The following DENND4B variants were observed in gnomAD, a reference collection of about 807,000 sequenced individuals.
DENND4B encodes DENN domain-containing protein 4B.
DENND4B carries 67 observed loss-of-function variants against 161.0 expected under a neutral mutation model. The ratio of observed to expected loss-of-function variants is 0.42; its 90% CI spans 0.34 to 0.51. The LOEUF (loss-of-function observed/expected upper bound fraction) is 0.51. DENND4B is among the 20% of genes least tolerant of loss of function. The probability of loss-of-function intolerance (pLI) is 0.08; values close to 1 mark genes in which losing one functional copy is unlikely to be tolerated. For synonymous variants in DENND4B, 753 were observed against 813.8 expected, an observed-to-expected ratio of 0.93 and a Z score of 1.27; for missense variants, 1,481 against 1,968.0, an observed-to-expected ratio of 0.75 and a Z score of 4.68.
rs1430881375 is a variant in DENND4B at position 153,930,581 on chromosome 1, A to G, written c.4303T>C (p.Phe1435Leu). Residue 1435 changes from phenylalanine to leucine, a missense_variant, in exon 27 of 28, where the codon TTC becomes CTC. Around this residue, in one of 3 missense-constraint regions of DENND4B, gnomAD observed 336 missense variants for 503.3 expected, o/e 0.67. Coordinates refer to ENST00000361217, the MANE Select transcript of DENND4B (RefSeq NM_014856.3). This position sits in a 1 kb window ranked among gnomAD's most constrained non-coding sequence, Gnocchi z 4.7. ...LQRGIYREIL[F>L]LTMAALGKDH... ...TTGCCCAGAGCAGCCATTGTCAGGA[A>G]TAATATCTCACGGTAGATTCCCCTT... 1 of 1,614,054 alleles carries G rather than the reference A, an allele frequency of 6.2e-7. No homozygotes were observed. Among genetic ancestry groups the G allele is most frequent in the South Asian group, 1.1e-5 (1 of 91,088 alleles).
rs1679085020 is a variant in DENND4B at position 153,933,332 on chromosome 1, G to A, written c.3331-13C>T. On this transcript the variant is annotated splice_polypyrimidine_tract_variant and intron_variant, in intron 20 of 27. Coordinates refer to ENST00000361217, the MANE Select transcript of DENND4B (RefSeq NM_014856.3). The surrounding 1 kb of genome is among the most constrained non-coding windows in gnomAD (Gnocchi z 5.7). Reference sequence around the variant, plus strand: ...GAGAGGCTGAGCTCTACCATGACATGAGAAACCATGGTCAGCCAACCCCAT... The same window carrying A: ...GAGAGGCTGAGCTCTACCATGACATAAGAAACCATGGTCAGCCAACCCCAT... 6.2e-7 allele frequency: 1 copy of A among 1,613,348 alleles called. No individual in the cohort carries two copies. The highest frequency in any genetic ancestry group is 8.5e-7 in the Non-Finnish European group (1 of 1,179,650).
chr1:153,935,984 C>T (rs544365967), intron 17 of DENND4B, 76 bp downstream of exon 17: 49 of 1,547,752 alleles, frequency 3.2e-5, no homozygotes, highest in South Asian at 7.2e-5. Context: ...CTCCAAGGAG[C>T]GAGGGGAGCA....
Position 153,930,819 on chromosome 1 carries a change from G to A in DENND4B, c.4153C>T (p.Pro1385Ser). 1 of 1,604,184 alleles carries A rather than the reference G, an allele frequency of 6.2e-7. No homozygotes were observed. The highest frequency in any genetic ancestry group is 8.5e-7 in the Non-Finnish European group (1 of 1,175,404). ...AACAGTGCCAAACTAAGGGATGCAG[G>A]TACAGGGCCTGGCCATACCACCCGC... ...PQRVVWPGPV[P>S]ASLSLALLES... Residue 1385 changes from proline (P) to serine (S), a missense_variant, in exon 26 of 28, where the codon CCT becomes TCT. Pro to Ser is a moderately conservative substitution (Grantham distance 74). Around this residue, in one of 3 missense-constraint regions of DENND4B, gnomAD observed 336 missense variants for 503.3 expected, o/e 0.67. Transcript: ENST00000361217. The surrounding 1 kb of genome is among the most constrained non-coding windows in gnomAD (Gnocchi z 4.7).
intron 6 of DENND4B, 92 bp downstream of exon 6, chr1:153,941,775 GCC>G: frequency 7.5e-7 from 1 of 1,338,172 alleles, no homozygotes; most frequent in Non-Finnish European, 1.0e-6. Context: ...CCTGTGCCCA[GCC>G]CTCCCCCCAC....
At position 153,942,325 on chromosome 1, in the gene DENND4B, A is replaced by G. The variant is rs774187716; in HGVS notation, c.672T>C (p.Asn224=). ...ELLGRYPEED[N]EAFPLPESVP... ...CTGACTCGGGCAGCGGGAACGCCTC[A>G]TTGTCCTCCTCCGGGTAGCGGCCCA... Residue 224 remains asparagine, a synonymous_variant, in exon 5 of 28, where the codon AAT becomes AAC. Coordinates refer to ENST00000361217, the MANE Select transcript of DENND4B (RefSeq NM_014856.3). The surrounding 1 kb of genome is among the most constrained non-coding windows in gnomAD (Gnocchi z 6.9). The G allele has an allele frequency of 1.2e-6, 2 of 1,613,398 alleles. No homozygotes were observed. Among genetic ancestry groups the G allele is most frequent in the South Asian group, 2.2e-5 (2 of 91,046 alleles).
Position 153,940,200 on chromosome 1 carries a change from A to G in DENND4B, c.1559T>C (p.Val520Ala). The change falls in exon 11 of 28, where the codon GTT becomes GCT. Residue 520 changes from valine (V) to alanine (A), a missense_variant. Around this residue, in one of 3 missense-constraint regions of DENND4B, gnomAD observed 806 missense variants for 1,134.4 expected, o/e 0.71. Coordinates refer to ENST00000361217, the MANE Select transcript of DENND4B (RefSeq NM_014856.3). The surrounding 1 kb of genome is among the most constrained non-coding windows in gnomAD (Gnocchi z 5.6). ...PRTLPRRPYK[V>A]LLATLTNLYQ... ...CAGGTTTGTCAGTGTGGCCAGCAGA[A>G]CCTTGTAGGGTCTGCGGGGCAGGGT... The G allele has an allele frequency of 6.3e-7, 1 of 1,599,682 alleles. No individual in the cohort carries two copies. Among genetic ancestry groups the G allele is most frequent in the Non-Finnish European group, 8.5e-7 (1 of 1,174,112 alleles).
Position 153,937,819 on chromosome 1 carries a change from C to G in DENND4B, c.2010G>C (p.Glu670Asp), listed in dbSNP as rs761662922. 4 of 1,613,972 alleles carry G rather than the reference C, an allele frequency of 2.5e-6. No individual in the cohort carries two copies. The highest frequency in any genetic ancestry group is 3.4e-6 in the Non-Finnish European group (4 of 1,179,856). ...GCTCACTTCCTGACAGCTCCTCTAG[C>G]TCCACTAAGGGTGTCGGCTCAGGCT... Reference protein sequence around the residue: ...QEKPEPTPLVELEELSGSELT... With the variant: ...QEKPEPTPLVDLEELSGSELT... The change falls in exon 14 of 28, where the codon GAG becomes GAC. Residue 670 changes from glutamate to aspartate, a missense_variant. Coordinates refer to ENST00000361217, the MANE Select transcript of DENND4B (RefSeq NM_014856.3). The surrounding 1 kb of genome is among the most constrained non-coding windows in gnomAD (Gnocchi z 4.7).
rs999943889 is a variant in DENND4B at position 153,935,997 on chromosome 1, A to T, written c.2568+63T>A. The T allele has an allele frequency of 1.3e-5, 20 of 1,589,290 alleles. No homozygotes were observed. In the African/African-American group the frequency reaches 2.6e-4, roughly 20 times the overall value. ...ATCTCCAAGGAGCGAGGGGAGCAGCAGCAGCCTCCCCTCACACACCCTGGC... is the reference window on the plus strand; with the variant it reads ...ATCTCCAAGGAGCGAGGGGAGCAGCTGCAGCCTCCCCTCACACACCCTGGC... On this transcript the variant is annotated intron_variant, in intron 17 of 27. Coordinates refer to ENST00000361217, the MANE Select transcript of DENND4B (RefSeq NM_014856.3).
Position 153,932,754 on chromosome 1 carries a change from C to G in DENND4B, c.3647G>C (p.Gly1216Ala). The stretch of plus-strand genomic sequence containing the variant: ...AGGAGCATCTTTGCTGCCACTGGCA[C>G]CAGCAGATTTGGGGCTGGGGACACT... ...RPSVPSPKSA[G>A]ASGSKDAPVP... Residue 1216 changes from glycine to alanine, a missense_variant, in exon 23 of 28, where the codon GGT becomes GCT. Physicochemically the swap from Gly to Ala is moderately conservative, Grantham distance 60. Transcript: ENST00000361217. The surrounding 1 kb of genome is among the most constrained non-coding windows in gnomAD (Gnocchi z 5.8). 1 of 1,614,062 alleles carries G rather than the reference C, an allele frequency of 6.2e-7. No homozygotes were observed. Among genetic ancestry groups the G allele is most frequent in the African/African-American group, 1.3e-5 (1 of 75,072 alleles).
chr1:153,940,148 C>G lies in DENND4B; in HGVS notation c.1603+8G>C, dbSNP rs769366141. 1 of 1,554,356 alleles carries G rather than the reference C, an allele frequency of 6.4e-7. No individual in the cohort carries two copies. The highest frequency in any genetic ancestry group is 1.2e-5 in the South Asian group (1 of 81,878). ...TTCCCAGCCTCCCTCCCCACCCAGG[C>G]TTCTCACTCTGGTCCAGCTGCTGGT... On this transcript the variant is annotated splice_region_variant and intron_variant, in intron 11 of 27. Transcript: ENST00000361217. The surrounding 1 kb of genome is among the most constrained non-coding windows in gnomAD (Gnocchi z 5.6).
chr1:153,941,390 G>A lies in DENND4B; in HGVS notation c.1106C>T (p.Pro369Leu). The change falls in exon 7 of 28, where the codon CCC becomes CTC. Residue 369 changes from proline to leucine, a missense_variant. By Grantham distance (98) the Pro-to-Leu change is moderately conservative. Coordinates refer to ENST00000361217, the MANE Select transcript of DENND4B (RefSeq NM_014856.3). ...AGCTCTCACCTGCACTAGGATGCGG[G>A]GTCTCTGTGGGGAAGGGAAGGGAAC... ...HNVPFPSPQRPRILVQMSPYD... is the reference protein window; with the variant it reads ...HNVPFPSPQRLRILVQMSPYD... The A allele has an allele frequency of 6.2e-7, 1 of 1,613,546 alleles. No homozygotes were observed. The highest frequency in any genetic ancestry group is 1.1e-5 in the South Asian group (1 of 90,992).
chr1:153,932,543 C>T lies in DENND4B; in HGVS notation c.3759+99G>A. On this transcript the variant is annotated intron_variant, in intron 23 of 27. Coordinates refer to ENST00000361217, the MANE Select transcript of DENND4B (RefSeq NM_014856.3). The surrounding 1 kb of genome is among the most constrained non-coding windows in gnomAD (Gnocchi z 5.8). ...CAACAGCTTTTGGGATGCCCCTTGC[C>T]CTCAAGGGCAAGAGATGTGCCCATC... The T allele has an allele frequency of 6.4e-7, 1 of 1,563,620 alleles. No individual in the cohort carries two copies. The highest frequency in any genetic ancestry group is 2.3e-5 in the East Asian group (1 of 44,266).
chr1:153,932,732 A>G lies in DENND4B; in HGVS notation c.3669T>C (p.Ala1223=). The G allele has an allele frequency of 6.2e-7, 1 of 1,614,020 alleles. No homozygotes were observed. The highest frequency in any genetic ancestry group is 1.3e-5 in the African/African-American group (1 of 75,048). Residue 1223 remains alanine (A), a synonymous_variant, in exon 23 of 28, where the codon GCT becomes GCC. Transcript: ENST00000361217. This position sits in a 1 kb window ranked among gnomAD's most constrained non-coding sequence, Gnocchi z 5.8. ...KSAGASGSKD[A]PVPGGPGPVL... is the part of the protein sequence containing the mutation. ...CAGGGCCAGGACCACCAGGGACAGG[A>G]GCATCTTTGCTGCCACTGGCACCAG...
At position 153,944,545 on chromosome 1, in the gene DENND4B, G is replaced by A; in HGVS notation, c.-23-148C>T. 1.3e-6 allele frequency: 1 copy of A among 759,582 alleles called. No individual in the cohort carries two copies. The highest frequency in any genetic ancestry group is 2.0e-6 in the Non-Finnish European group (1 of 493,558). The allele number at this position is 759,582 out of a possible 1,614,324, so 47.1% of individuals were successfully genotyped here. ...GCCAATCCTGAACTCTTCCCCCTGT[G>A]ACATCACTGCCCACCACAGCTTCTT... On this transcript the variant is annotated intron_variant, in intron 1 of 27. Transcript: ENST00000361217. The surrounding 1 kb of genome is among the most constrained non-coding windows in gnomAD (Gnocchi z 4.8).
Position 153,937,986 on chromosome 1 carries a change from A to G in DENND4B, c.1966-123T>C, listed in dbSNP as rs1679443350. 1 of 1,417,496 alleles carries G rather than the reference A, an allele frequency of 7.1e-7. No homozygotes were observed. Among genetic ancestry groups the G allele is most frequent in the Admixed American group, 1.9e-5 (1 of 52,990 alleles). The allele number at this position is 1,417,496 out of a possible 1,614,324, so 87.8% of individuals were successfully genotyped here. ...AAGGAAAGAGACACAGCCTGGGAAG[A>G]TGGCGTCAGGAACGGGAGGACAGTA... is the stretch of plus-strand genomic sequence containing the variant. On this transcript the variant is annotated intron_variant, in intron 13 of 27. Coordinates refer to ENST00000361217, the MANE Select transcript of DENND4B (RefSeq NM_014856.3). The surrounding 1 kb of genome is among the most constrained non-coding windows in gnomAD (Gnocchi z 4.7).
At position 153,936,236 on chromosome 1, in the gene DENND4B, A is replaced by C; in HGVS notation, c.2440-48T>G. 6.4e-7 allele frequency: 1 copy of C among 1,568,854 alleles called. No homozygotes were observed. The highest frequency in any genetic ancestry group is 8.7e-7 in the Non-Finnish European group (1 of 1,155,696). ...CAATGGGAGACTCACTCTCAACCAAAACCAAAGTCTCAGCAAGCACCCTCT... is the reference window on the plus strand; with the variant it reads ...CAATGGGAGACTCACTCTCAACCAACACCAAAGTCTCAGCAAGCACCCTCT... On this transcript the variant is annotated intron_variant, in intron 16 of 27. Coordinates refer to ENST00000361217, the MANE Select transcript of DENND4B (RefSeq NM_014856.3). This position sits in a 1 kb window ranked among gnomAD's most constrained non-coding sequence, Gnocchi z 4.1.
chr1:153,944,187 T>G lies in DENND4B; in HGVS notation c.188A>C (p.Gln63Pro). Residue 63 changes from glutamine (Q) to proline (P), a missense_variant, in exon 2 of 28, where the codon CAG becomes CCG. Physicochemically the swap from Gln to Pro is moderately conservative, Grantham distance 76. Around this residue, in one of 3 missense-constraint regions of DENND4B, gnomAD observed 806 missense variants for 1,134.4 expected, o/e 0.71. Transcript: ENST00000361217. This position sits in a 1 kb window ranked among gnomAD's most constrained non-coding sequence, Gnocchi z 4.8. ...AGAAGCCTGGATGCATGTGTAGCCCTGGGGCACTTCCTCGCCCAGTGCCCT... is the reference window on the plus strand; with the variant it reads ...AGAAGCCTGGATGCATGTGTAGCCCGGGGGCACTTCCTCGCCCAGTGCCCT... Reference protein sequence around the residue: ...IARALGEEVPQGYTCIQASAG... With the variant: ...IARALGEEVPPGYTCIQASAG... The G allele has an allele frequency of 9.3e-6, 15 of 1,612,448 alleles. No individual in the cohort carries two copies. The highest frequency in any genetic ancestry group is 1.3e-5 in the Non-Finnish European group (15 of 1,179,256).
chr1:153,940,644 T>C lies in DENND4B; in HGVS notation c.1327-38A>G. On this transcript the variant is annotated intron_variant, in intron 9 of 27. Coordinates refer to ENST00000361217, the MANE Select transcript of DENND4B (RefSeq NM_014856.3). This position sits in a 1 kb window ranked among gnomAD's most constrained non-coding sequence, Gnocchi z 5.6. ...GCAGTGAGAACCAGTGAACAGGGGG[T>C]TGAGGCAGCAGTGGGAGGCACAGGA... is the stretch of plus-strand genomic sequence containing the variant. 6.3e-7 allele frequency: 1 copy of C among 1,596,022 alleles called. No homozygotes were observed. The highest frequency in any genetic ancestry group is 8.5e-7 in the Non-Finnish European group (1 of 1,171,734).
In DENND4B at chr1:153,940,011, A is replaced by G; in HGVS notation, c.1603+145T>C. 1 of 852,408 alleles carries G rather than the reference A, an allele frequency of 1.2e-6. No individual in the cohort carries two copies. The highest frequency in any genetic ancestry group is 1.8e-6 in the Non-Finnish European group (1 of 556,928). 52.8% of individuals were successfully genotyped at this position (852,408 alleles called of 1,614,324 possible). A position where few individuals can be genotyped will look rare whatever the true frequency, so the allele number is the denominator to read the frequency against. The stretch of plus-strand genomic sequence containing the variant: ...GCCCTTCCTTCTAGCTTCAGTTGGA[A>G]TTGGAATCTCCCTCAGTTCCACCAA... On this transcript the variant is annotated intron_variant, in intron 11 of 27. Transcript: ENST00000361217. The surrounding 1 kb of genome is among the most constrained non-coding windows in gnomAD (Gnocchi z 5.6).
Sources: gnomAD v4.1 joint callset for allele counts on GRCh38, gnomAD v4.1.1 for gene constraint, gnomAD v4.1.1 regional missense constraint, Gnocchi (gnomAD v3.1) non-coding constraint, MANE v1.5 for transcripts, NCBI Gene and HGNC (gene_info 2026-07-23, HGNC 2026-07-21) for gene names.